The following ASPH variants were observed in gnomAD, a reference collection of about 807,000 sequenced individuals.
ASPH encodes aspartate beta-hydroxylase, also known as aspartyl/asparaginyl beta-hydroxylase.
Under a neutral mutation model 118.4 loss-of-function variants are expected in ASPH, and 100 were observed. That is an observed-to-expected ratio of 0.84 (90% confidence interval 0.72 to 1.00). ASPH has a LOEUF of 1.00. Among genes scored for constraint, ASPH ranks in the 50% least tolerant of loss-of-function variants. The probability of loss-of-function intolerance (pLI) is 0.00; values close to 1 mark genes in which losing one functional copy is unlikely to be tolerated. For synonymous variants in ASPH, 315 were observed against 325.6 expected, an observed-to-expected ratio of 0.97 and a Z score of 0.35; for missense variants, 920 against 919.5, an observed-to-expected ratio of 1.00 and a Z score of -0.01.
chr8:61,679,162 C>T (rs1054501224), intron 3 of ASPH, among the ~76,000 whole-genome samples: 3 of 152,076 alleles, frequency 2.0e-5, no homozygotes, highest in African/African-American at 7.2e-5. Flanking sequence ...TGTACTGAAG[C>T]CACAAGCCAA....
intron 1 of ASPH, among the ~76,000 whole-genome samples, chr8:61,696,041 A>C (rs1294861098): frequency 6.6e-6 from 1 of 152,216 alleles, no homozygotes; most frequent in Non-Finnish European, 1.5e-5. Context: ...TCAGACTCAG[A>C]TTCGTCCCTT....
intron 3 of ASPH, chr8:61,664,423 A>T: frequency 1.0e-6 from 1 of 980,810 alleles, no homozygotes; most frequent in Non-Finnish European, 1.2e-6. Flanking sequence ...ATCATAAATA[A>T]AAGTGTTCTG....
intron 1 of ASPH, among the ~76,000 whole-genome samples, chr8:61,697,153 T>C (rs1834093856): frequency 6.6e-6 from 1 of 152,200 alleles, no homozygotes; most frequent in Non-Finnish European, 1.5e-5. Flanking sequence ...AGAAGAATCC[T>C]GTAAATTATA....
chr8:61,530,562 C>A (rs1243047027), intron 21 of ASPH, among the ~76,000 whole-genome samples: 1 of 151,010 alleles, frequency 6.6e-6, no homozygotes, highest in Non-Finnish European at 1.5e-5. Context: ...GGATGCTGTA[C>A]TTTTCTCTGT....
At chr8:61,675,160 C>A in intron 3 of ASPH, 1 of 355,496 alleles carries the variant, frequency 2.8e-6, no homozygotes, top group Non-Finnish European at 3.9e-6. Flanking sequence ...ATGGAATTAC[C>A]ACTTCAATAA....
At chr8:61,600,579 C>G (rs1374142925) in intron 14 of ASPH, among the ~76,000 whole-genome samples, 1 of 150,940 alleles carries the variant, frequency 6.6e-6, no homozygotes, top group Non-Finnish European at 1.5e-5. Flanking sequence ...TTTCTATACA[C>G]CATAGCAAAC....
intron 13 of ASPH, among the ~76,000 whole-genome samples, chr8:61,626,611 T>C (rs1030712209): frequency 6.6e-6 from 1 of 151,866 alleles, no homozygotes; most frequent in Admixed American, 6.6e-5. Context: ...AAATCTAGTA[T>C]GGTATTTGAA....
At chr8:61,655,138 T>C (rs190734417) in intron 3 of ASPH, among the ~76,000 whole-genome samples, 9 of 152,324 alleles carry the variant, frequency 5.9e-5, no homozygotes, top group Admixed American at 3.9e-4. Context: ...ACTTGGCACA[T>C]AGCAATTGCT....
chr8:61,524,696 TCTTG>T (rs1010952938), intron 22 of ASPH, among the ~76,000 whole-genome samples: 1 of 152,246 alleles, frequency 6.6e-6, no homozygotes, highest in Non-Finnish European at 1.5e-5. Flanking sequence ...TTATTTTCTT[TCTTG>T]CTTAATGCTT....
intron 3 of ASPH, among the ~76,000 whole-genome samples, chr8:61,673,622 T>A (rs1205307179): frequency 6.6e-6 from 1 of 152,196 alleles, no homozygotes; most frequent in East Asian, 1.9e-4. Flanking sequence ...TTAATTTAGT[T>A]CTTAAGTTTA....
chr8:61,577,052 C>T (rs1192711984), intron 15 of ASPH, among the ~76,000 whole-genome samples, 194 bp from the exon 16 acceptor site: 3 of 151,984 alleles, frequency 2.0e-5, no homozygotes. Flanking sequence ...CACATATTTA[C>T]TTCATTTTTA....
intron 14 of ASPH, among the ~76,000 whole-genome samples, chr8:61,610,433 ATAAT>A (rs538078197): frequency 6.2e-4 from 95 of 152,360 alleles, no homozygotes; most frequent in African/African-American, 2.1e-3. Flanking sequence ...TAAAATTGCC[ATAAT>A]TAAACTTCTC....
intron 14 of ASPH, among the ~76,000 whole-genome samples, chr8:61,603,486 C>T (rs1388436110): frequency 6.6e-6 from 1 of 152,116 alleles, no homozygotes; most frequent in Non-Finnish European, 1.5e-5. Context: ...CATTTTAGGA[C>T]ATCCATAACT....
chr8:61,665,333 T>C (rs1295248859), intron 3 of ASPH: 1 of 1,613,988 alleles, frequency 6.2e-7, no homozygotes, highest in South Asian at 1.1e-5. Flanking sequence ...GTCATCTTTG[T>C]CTCGGGATGC....
At chr8:61,517,714 C>A in intron 23 of ASPH, 53 bp from the exon 24 acceptor site, 2 of 1,584,554 alleles carry the variant, frequency 1.3e-6, no homozygotes, top group East Asian at 2.3e-5. Context: ...TGTGGAGGAA[C>A]TGCTAAGTTA....
At chr8:61,539,155 C>T (rs1431110536) in intron 21 of ASPH, among the ~76,000 whole-genome samples, 1 of 152,134 alleles carries the variant, frequency 6.6e-6, no homozygotes, top group Non-Finnish European at 1.5e-5. Flanking sequence ...GCATGAGAAT[C>T]GCTTGAACCC....
At chr8:61,573,389 A>G (rs1834050908) in intron 16 of ASPH, among the ~76,000 whole-genome samples, 1 of 152,236 alleles carries the variant, frequency 6.6e-6, no homozygotes, top group Non-Finnish European at 1.5e-5. Flanking sequence ...GAACCAAAAA[A>G]GAGCCATATA....
At chr8:61,572,573 T>C (rs1270440897) in intron 16 of ASPH, among the ~76,000 whole-genome samples, 1 of 152,194 alleles carries the variant, frequency 6.6e-6, no homozygotes, top group Non-Finnish European at 1.5e-5. Context: ...GGGTCAGCCT[T>C]GAGTCCTCTT....
At chr8:61,540,985 C>T (rs905848964) in intron 21 of ASPH, among the ~76,000 whole-genome samples, 3 of 152,026 alleles carry the variant, frequency 2.0e-5, no homozygotes, top group South Asian at 2.1e-4. Flanking sequence ...AGAGGCCGGG[C>T]ACGGTGGCTC....
Sources: allele counts gnomAD v4.1 joint callset (sites outside exome capture counted in the v4.1 genomes callset), GRCh38; gene constraint gnomAD v4.1.1; transcripts MANE v1.5; gene names NCBI Gene and HGNC (gene_info 2026-07-23, HGNC 2026-07-21).